Variants in CHSY3 observed in about 807,000 individuals in gnomAD.
CHSY3 encodes N-acetylgalactosaminyl-proteoglycan 3-beta-glucuronosyltransferase 3.
CHSY3 carries 35 observed loss-of-function variants against 67.2 expected under a neutral mutation model. The observed-to-expected ratio is 0.52, with a 90% CI of 0.40 to 0.69. CHSY3 has a LOEUF of 0.69. Among genes scored for constraint, CHSY3 ranks in the 30% least tolerant of loss-of-function variants. CHSY3 has a pLI of 0.00. For synonymous variants in CHSY3, 474 were observed against 434.7 expected (o/e 1.09, Z -1.12); for missense variants, 1,069 against 1,138.5 (o/e 0.94, Z 0.88).
intron 2 of CHSY3, among the ~76,000 whole-genome samples, chr5:130,041,178 C>T (rs1764997496): frequency 6.6e-6 from 1 of 152,056 alleles, no homozygotes. Flanking sequence ...TGCCCCTTAC[C>T]CACCCAATGA....
chr5:130,110,235 T>A (rs1396434710), intron 2 of CHSY3, among the ~76,000 whole-genome samples: 1 of 151,848 alleles, frequency 6.6e-6, no homozygotes, highest in African/African-American at 2.4e-5. Context: ...GTCACCATTG[T>A]TTTTTCTCAT....
intron 2 of CHSY3, among the ~76,000 whole-genome samples, chr5:130,143,504 G>A (rs1768939007): frequency 6.6e-6 from 1 of 151,534 alleles, no homozygotes; most frequent in South Asian, 2.1e-4. Flanking sequence ...CATCTGTGTT[G>A]TTGCATGGAG....
chr5:130,046,298 A>T (rs1395837870), intron 2 of CHSY3, among the ~76,000 whole-genome samples: 1 of 152,124 alleles, frequency 6.6e-6, no homozygotes, highest in Non-Finnish European at 1.5e-5. Context: ...TTATAACCAA[A>T]TACTATGTCT....
At chr5:130,180,996 A>C (rs1770226675) in intron 2 of CHSY3, among the ~76,000 whole-genome samples, 1 of 152,206 alleles carries the variant, frequency 6.6e-6, no homozygotes, top group South Asian at 2.1e-4. Flanking sequence ...ACATAAAACT[A>C]CCTCTTGGCA....
intron 2 of CHSY3, among the ~76,000 whole-genome samples, chr5:130,099,406 A>G (rs769525665): frequency 1.3e-5 from 2 of 152,208 alleles, no homozygotes; most frequent in African/African-American, 2.4e-5. Flanking sequence ...CTAGAGCTGG[A>G]TAACATTTTA....
At chr5:130,035,896 T>TC (rs1299430822) in intron 2 of CHSY3, among the ~76,000 whole-genome samples, 1 of 147,874 alleles carries the variant, frequency 6.8e-6, no homozygotes, top group East Asian at 2.0e-4. Flanking sequence ...GTTTTTTTTT[T>TC]TTTTTTTTTT....
chr5:130,002,661 T>C (rs1763763199), intron 2 of CHSY3, among the ~76,000 whole-genome samples: 1 of 152,136 alleles, frequency 6.6e-6, no homozygotes, highest in Non-Finnish European at 1.5e-5. Flanking sequence ...ACATAAATAT[T>C]TTCTAAATGG....
intron 2 of CHSY3, among the ~76,000 whole-genome samples, chr5:129,945,680 G>A (rs1761831860): frequency 6.6e-6 from 1 of 152,028 alleles, no homozygotes; most frequent in South Asian, 2.1e-4. Flanking sequence ...CAGACGGGTA[G>A]GTAAAAATTG....
chr5:130,184,775 T>C lies in CHSY3; in HGVS notation c.1633T>C (p.Tyr545His). 2 of 1,605,124 alleles carry C rather than the reference T, an allele frequency of 1.2e-6. No homozygotes were observed. Among genetic ancestry groups the C allele is most frequent in the Non-Finnish European group, 1.7e-6 (2 of 1,171,770 alleles). ...VEYILDLLLL[Y>H]KRHKGRKLTV... Reference sequence around the variant, plus strand: ...GTACATTTTGGATTTACTCCTTTTATACAAAAGACACAAGGGAAGGAAACT... The same window carrying C: ...GTACATTTTGGATTTACTCCTTTTACACAAAAGACACAAGGGAAGGAAACT... The change falls in exon 3 of 3, where the codon TAC becomes CAC. Residue 545 changes from tyrosine (Y) to histidine (H), a missense_variant. This residue lies in a region of CHSY3 where 401 missense variants were observed against 395.2 expected (regional missense o/e 1.01). Transcript: ENST00000305031.
chr5:130,185,757 A>G lies in CHSY3; in HGVS notation c.2615A>G (p.His872Arg). ...CTGGCTGAACTCTGGCTTGAAAAAC[A>G]TTTAGGTGTCAGGTACAATCGAACT... is the stretch of plus-strand genomic sequence containing the variant. The part of the protein sequence containing the change: ...MQLAELWLEK[H>R]LGVRYNRTLS Residue 872 changes from histidine (H) to arginine (R), a missense_variant, in exon 3 of 3, where the codon CAT becomes CGT. Physicochemically the swap from His to Arg is conservative, Grantham distance 29 (BLOSUM62 0). This residue lies in a region of CHSY3 where 139 missense variants were observed against 152.8 expected (regional missense o/e 0.91). Coordinates refer to ENST00000305031, the MANE Select transcript of CHSY3 (RefSeq NM_175856.5). 1 of 1,608,978 alleles carries G rather than the reference A, an allele frequency of 6.2e-7. No individual in the cohort carries two copies. The highest frequency in any genetic ancestry group is 1.3e-5 in the African/African-American group (1 of 74,958).
At chr5:130,057,036 G>A (rs916260612) in intron 2 of CHSY3, among the ~76,000 whole-genome samples, 4 of 143,448 alleles carry the variant, frequency 2.8e-5, no homozygotes, top group African/African-American at 7.7e-5. Context: ...CCATTCTGCT[G>A]CCTCAGCCTC....
intron 2 of CHSY3, among the ~76,000 whole-genome samples, chr5:130,126,174 C>A (rs1460523731): frequency 6.6e-6 from 1 of 151,992 alleles, no homozygotes; most frequent in Non-Finnish European, 1.5e-5. Flanking sequence ...GAGTCCCTAA[C>A]ACATGGTCGG....
At chr5:129,919,883 ACAGT>A (rs1760861319) in intron 2 of CHSY3, among the ~76,000 whole-genome samples, 1 of 152,194 alleles carries the variant, frequency 6.6e-6, no homozygotes, top group African/African-American at 2.4e-5. Context: ...GATTTTTTAT[ACAGT>A]GTGGAGTGAT....
At chr5:129,929,846 A>C (rs2149587866) in intron 2 of CHSY3, among the ~76,000 whole-genome samples, 1 of 152,288 alleles carries the variant, frequency 6.6e-6, no homozygotes, top group South Asian at 2.1e-4. Flanking sequence ...ATAGTAAGCA[A>C]GTTTGTGTTG....
chr5:129,906,082 G>A (rs1208206086), intron 1 of CHSY3, among the ~76,000 whole-genome samples: 1 of 152,296 alleles, frequency 6.6e-6, no homozygotes, highest in African/African-American at 2.4e-5. Flanking sequence ...TGGAGATCCA[G>A]TGTTCTGGCT....
At chr5:129,917,918 T>G (rs1436410535) in intron 2 of CHSY3, among the ~76,000 whole-genome samples, 1 of 152,326 alleles carries the variant, frequency 6.6e-6, no homozygotes, top group South Asian at 2.1e-4. Flanking sequence ...GGCTTCAGGG[T>G]TTCGACCACT....
intron 2 of CHSY3, among the ~76,000 whole-genome samples, chr5:130,158,560 A>G (rs1769435382): frequency 6.6e-6 from 1 of 152,174 alleles, no homozygotes; most frequent in Non-Finnish European, 1.5e-5. Flanking sequence ...GGGTCTAGAC[A>G]AGATGTGTTT....
At chr5:130,135,183 T>TATAC (rs774800952) in intron 2 of CHSY3, among the ~76,000 whole-genome samples, 67 of 151,938 alleles carry the variant, frequency 4.4e-4, no homozygotes, top group Middle Eastern at 3.4e-3. Flanking sequence ...TATATGTGTG[T>TATAC]ATACATACAT....
intron 2 of CHSY3, among the ~76,000 whole-genome samples, chr5:130,085,803 T>A (rs1766597589): frequency 6.6e-6 from 1 of 152,144 alleles, no homozygotes; most frequent in South Asian, 2.1e-4. Context: ...GATTCTAGTA[T>A]GTTGTGTCTT....
Sources: allele counts gnomAD v4.1 joint callset (sites outside exome capture counted in the v4.1 genomes callset), GRCh38; gene constraint gnomAD v4.1.1; regional missense constraint gnomAD v4.1.1; transcripts MANE v1.5; gene names NCBI Gene and HGNC (gene_info 2026-07-23, HGNC 2026-07-21).